The following ATF7 variants were observed in gnomAD, a reference collection of about 807,000 sequenced individuals.
ATF7 encodes activating transcription factor 7, also known as cyclic AMP-dependent transcription factor ATF-7.
In ATF7, 10 loss-of-function variants were observed where a neutral mutation model predicts 50.4. The observed-to-expected ratio is 0.20, with a 90% CI of 0.12 to 0.34. The LOEUF (loss-of-function observed/expected upper bound fraction) is 0.34, where lower values mean the gene tolerates loss of function less well. Ranked by LOEUF, ATF7 falls within the 10% of genes least tolerant of loss-of-function variation. ATF7 has a pLI of 1.00. For synonymous variants in ATF7, 201 were observed against 226.4 expected, an observed-to-expected ratio of 0.89 and a Z score of 1.01; for missense variants, 465 against 613.9, an observed-to-expected ratio of 0.76 and a Z score of 2.56.
chr12:53,574,381 T>C (rs1941939177), intron 2 of ATF7, among the ~76,000 whole-genome samples: 1 of 152,196 alleles, frequency 6.6e-6, no homozygotes, highest in Non-Finnish European at 1.5e-5. Flanking sequence ...CATAATATCC[T>C]TTATAATAAA....
At chr12:53,508,350 G>A (rs904294239), downstream of ATF7, 1 of 151,476 alleles carries the variant, frequency 6.6e-6, no homozygotes, top group African/African-American at 2.4e-5. Context: ...TCACCTGAGG[G>A]CAGGAGTTCG....
At chr12:53,518,923 G>A (rs1039357634) in intron 11 of ATF7, among the ~76,000 whole-genome samples, 2 of 151,638 alleles carry the variant, frequency 1.3e-5, no homozygotes, top group East Asian at 1.9e-4. Flanking sequence ...GCATGGTGGC[G>A]GGCGCCTGTT....
intron 3 of ATF7, among the ~76,000 whole-genome samples, chr12:53,546,550 G>T (rs1401342630): frequency 6.6e-6 from 1 of 151,266 alleles, no homozygotes; most frequent in Non-Finnish European, 1.5e-5. Flanking sequence ...CCAGGATCAC[G>T]TGATTCTCCT....
intron 3 of ATF7, among the ~76,000 whole-genome samples, chr12:53,548,947 T>C (rs762469455): frequency 6.6e-6 from 1 of 152,116 alleles, no homozygotes; most frequent in African/African-American, 2.4e-5. Flanking sequence ...ATTGTGCCAC[T>C]GCACTCCAGC....
At chr12:53,603,754 T>A (rs989756485) in intron 1 of ATF7, among the ~76,000 whole-genome samples, 15 of 152,106 alleles carry the variant, frequency 9.9e-5, no homozygotes, top group Middle Eastern at 3.4e-3. Context: ...ACACCTTTTT[T>A]AAAAAAATTT....
At chr12:53,540,679 T>C (rs1006916157) in intron 4 of ATF7, among the ~76,000 whole-genome samples, 8 of 151,762 alleles carry the variant, frequency 5.3e-5, no homozygotes, top group African/African-American at 1.5e-4. Context: ...TAAGCCGAGA[T>C]TGCGCTACTG....
intron 2 of ATF7, among the ~76,000 whole-genome samples, chr12:53,587,843 A>ATATATATTTTT: frequency 2.9e-4 from 18 of 61,566 alleles, no homozygotes; most frequent in African/African-American, 7.7e-4. Flanking sequence ...ATATATATAT[A>ATATATATTTTT]TTTTTTTTTT....
chr12:53,526,679 C>T (rs1282388644), intron 9 of ATF7, among the ~76,000 whole-genome samples: 4 of 151,098 alleles, frequency 2.6e-5, no homozygotes, highest in East Asian at 1.9e-4. Flanking sequence ...GGCAAAACCC[C>T]GTCTCTACTA....
intron 2 of ATF7, among the ~76,000 whole-genome samples, chr12:53,577,754 A>C (rs1171699518): frequency 2.0e-5 from 3 of 151,842 alleles, no homozygotes; most frequent in African/African-American, 7.3e-5. Context: ...GAAAGAAAGA[A>C]ACACACACAA....
chr12:53,531,713 AG>A (rs1938905330), intron 9 of ATF7, 30 bp downstream of exon 9: 3 of 1,585,158 alleles, frequency 1.9e-6, no homozygotes, highest in Non-Finnish European at 1.7e-6. Flanking sequence ...TACGTCATAA[AG>A]ATATGACATA....
chr12:53,571,747 A>G (rs1941776892), intron 2 of ATF7, among the ~76,000 whole-genome samples: 1 of 152,020 alleles, frequency 6.6e-6, no homozygotes, highest in Non-Finnish European at 1.5e-5. Flanking sequence ...ATACTATTAC[A>G]TGGCTCTCTA....
At chr12:53,549,265 C>T (rs1402152524) in intron 3 of ATF7, among the ~76,000 whole-genome samples, 4 of 136,482 alleles carry the variant, frequency 2.9e-5, no homozygotes, top group Admixed American at 8.5e-5. Flanking sequence ...CCAGCCTGGG[C>T]GACAGAACGA....
intron 2 of ATF7, among the ~76,000 whole-genome samples, chr12:53,586,368 T>C (rs1200922262): frequency 6.6e-6 from 1 of 151,100 alleles, no homozygotes; most frequent in Non-Finnish European, 1.5e-5. Context: ...GTTATGAACA[T>C]AATGTAATTT....
At chr12:53,619,570 T>G (rs11170613) in intron 1 of ATF7, among the ~76,000 whole-genome samples, 27,817 of 151,434 alleles carry the variant, frequency 0.18, 3,115 homozygotes, top group East Asian at 0.56. Context: ...TCCAGCACTT[T>G]GGGAGGCCAA....
At chr12:53,606,107 G>A (rs1943591917) in intron 1 of ATF7, among the ~76,000 whole-genome samples, 1 of 152,098 alleles carries the variant, frequency 6.6e-6, no homozygotes, top group South Asian at 2.1e-4. Flanking sequence ...TGGTTACACT[G>A]CTAAAAATGG....
chr12:53,537,682 C>A (rs780566768), intron 4 of ATF7, 130 bp from the exon 5 acceptor site: 1 of 1,054,296 alleles, frequency 9.5e-7, no homozygotes, highest in Non-Finnish European at 1.3e-6. Context: ...CACTGAACTG[C>A]ATGTCAAATA....
At position 53,587,830 on chromosome 12, in the gene ATF7, T is replaced by TATATATATATATATATATATATATAC. The variant is rs1455004079; in HGVS notation, c.48+13122_48+13123insGTATATATATATATATATATATATAT. On this transcript the variant is annotated intron_variant, in intron 2 of 11. Transcript: ENST00000420353. ...CTATGTATACTTCTACATATATATA[T>TATATATATATATATATATATATATAC]ATATATATATATATTTTTTTTTTTT... 6.0e-4 allele frequency among the ~76,000 whole-genome samples: 26 copies of TATATATATATATATATATATATATAC among 43,692 alleles called. No individual in the cohort carries two copies. In the South Asian group the frequency reaches 0.015, roughly 25 times the overall value. The allele number at this position is 43,692 out of a possible 152,430, so 28.7% of individuals were successfully genotyped here. A position where few individuals can be genotyped will look rare whatever the true frequency, so the allele number is the denominator to read the frequency against.
intron 2 of ATF7, among the ~76,000 whole-genome samples, chr12:53,571,955 C>T (rs1941789064): frequency 1.3e-5 from 2 of 151,768 alleles, no homozygotes. Flanking sequence ...TAATCACAGA[C>T]ACTCGGCAGG....
chr12:53,619,486 CAAAAAAAAAA>C (rs112474373), intron 1 of ATF7, among the ~76,000 whole-genome samples: 1 of 64,054 alleles, frequency 1.6e-5, no homozygotes, highest in African/African-American at 5.7e-5. Context: ...GACTCCGTGT[CAAAAAAAAAA>C]AAAAAAAGAA....
Sources: allele counts gnomAD v4.1 joint callset (sites outside exome capture counted in the v4.1 genomes callset), GRCh38; gene constraint gnomAD v4.1.1; transcripts MANE v1.5; gene names NCBI Gene and HGNC (gene_info 2026-07-23, HGNC 2026-07-21).